The following CTNNA2 variants were observed in gnomAD, a reference collection of about 807,000 sequenced individuals.
CTNNA2 encodes catenin alpha-2.
CTNNA2 carries 42 observed loss-of-function variants against 101.0 expected under a neutral mutation model. That is an observed-to-expected ratio of 0.42 (90% CI 0.32 to 0.54). CTNNA2 has a LOEUF of 0.54. CTNNA2 is among the 20% of genes least tolerant of loss of function. CTNNA2 has a pLI of 0.14. For missense variants in CTNNA2, 871 were observed against 1,223.1 expected (o/e 0.71, Z 4.29); for synonymous variants, 450 against 456.4 (o/e 0.99, Z 0.18).
chr2:80,625,125 G>A (rs1671552566), intron 18 of CTNNA2, among the ~76,000 whole-genome samples: 1 of 151,950 alleles, frequency 6.6e-6, no homozygotes, highest in Non-Finnish European at 1.5e-5. Flanking sequence ...AAAATTATAA[G>A]AGTGATATTG....
chr2:80,265,197 A>C (rs1450732645), intron 7 of CTNNA2, among the ~76,000 whole-genome samples: 1 of 151,698 alleles, frequency 6.6e-6, no homozygotes, highest in Non-Finnish European at 1.5e-5. Context: ...CTGGTCTCGA[A>C]CTCCTGACCT....
chr2:79,773,990 C>T (rs1345540217), intron 3 of CTNNA2, among the ~76,000 whole-genome samples: 1 of 152,134 alleles, frequency 6.6e-6, no homozygotes, highest in Non-Finnish European at 1.5e-5. Flanking sequence ...GGCTGCTACA[C>T]CTTCCCCCAT....
chr2:80,403,217 C>A (rs1248155571), intron 8 of CTNNA2, among the ~76,000 whole-genome samples: 2 of 152,178 alleles, frequency 1.3e-5, no homozygotes, highest in African/African-American at 4.8e-5. Flanking sequence ...TTGCTGTTTT[C>A]TTCATCATGG....
At chr2:79,910,899 G>A (rs1340485012) in intron 7 of CTNNA2, among the ~76,000 whole-genome samples, 1 of 152,140 alleles carries the variant, frequency 6.6e-6, no homozygotes. Context: ...ACCCTCCAGA[G>A]AACTCACTGA....
At chr2:79,542,057 T>C (rs1293046392) in intron 1 of CTNNA2, among the ~76,000 whole-genome samples, 5 of 152,164 alleles carry the variant, frequency 3.3e-5, no homozygotes, top group South Asian at 4.1e-4. Flanking sequence ...TCTCTTTAGC[T>C]TTTTAAAAAC....
chr2:80,372,788 T>A (rs1675570558), intron 7 of CTNNA2, among the ~76,000 whole-genome samples: 1 of 152,136 alleles, frequency 6.6e-6, no homozygotes, highest in Non-Finnish European at 1.5e-5. Flanking sequence ...AAATTATGTC[T>A]CATTTGTTAA....
At chr2:79,443,774 T>C (rs549915493) in intron 4 of CTNNA2, among the ~76,000 whole-genome samples, 1 of 152,210 alleles carries the variant, frequency 6.6e-6, no homozygotes, top group Admixed American at 6.5e-5. Context: ...CTCTAATGAC[T>C]CCCACATCCT....
chr2:79,620,729 T>C (rs1387805460), intron 1 of CTNNA2, among the ~76,000 whole-genome samples: 1 of 152,156 alleles, frequency 6.6e-6, no homozygotes, highest in Non-Finnish European at 1.5e-5. Flanking sequence ...TTTGATGTGA[T>C]CTGAAGGTTA....
chr2:80,340,629 G>T (rs775144459), intron 7 of CTNNA2, among the ~76,000 whole-genome samples: 4 of 152,146 alleles, frequency 2.6e-5, no homozygotes, highest in Non-Finnish European at 4.4e-5. Flanking sequence ...CCAGACCACA[G>T]ACTTAGAGTC....
intron 7 of CTNNA2, chr2:80,029,547 T>A (rs1160119435): frequency 9.2e-5 from 14 of 152,100 alleles, no homozygotes; most frequent in Admixed American, 9.2e-4. Flanking sequence ...AAGGGACCAG[T>A]TTAGGTGCAC....
intron 2 of CTNNA2, among the ~76,000 whole-genome samples, chr2:79,203,203 C>T (rs1674059786): frequency 6.6e-6 from 1 of 152,090 alleles, no homozygotes; most frequent in Non-Finnish European, 1.5e-5. Context: ...TTGGCAGTCC[C>T]CAAATCTCCA....
At chr2:80,313,796 G>T (rs1677837224) in intron 7 of CTNNA2, 2 of 652,534 alleles carry the variant, frequency 3.1e-6, no homozygotes, top group African/African-American at 1.8e-5. Context: ...GAGGAGAAAG[G>T]ATACTGAAAG....
intron 3 of CTNNA2, among the ~76,000 whole-genome samples, chr2:79,754,745 C>G (rs1246078342): frequency 6.6e-6 from 1 of 152,160 alleles, no homozygotes; most frequent in Non-Finnish European, 1.5e-5. Context: ...TGACTCTTCA[C>G]TGCTGCCTGA....
chr2:79,401,295 A>G (rs982686867), intron 4 of CTNNA2, among the ~76,000 whole-genome samples: 6 of 151,652 alleles, frequency 4.0e-5, no homozygotes, highest in Non-Finnish European at 8.9e-5. Context: ...TTAAAAAGAA[A>G]AACTGAACAC....
At chr2:79,355,422 T>C (rs1352994998) in intron 3 of CTNNA2, among the ~76,000 whole-genome samples, 2 of 152,230 alleles carry the variant, frequency 1.3e-5, no homozygotes, top group African/African-American at 2.4e-5. Flanking sequence ...TTTGTAGTTC[T>C]CCTTGTAGAT....
At chr2:79,340,818 A>T (rs1677116873) in intron 3 of CTNNA2, among the ~76,000 whole-genome samples, 1 of 123,440 alleles carries the variant, frequency 8.1e-6, no homozygotes, top group Non-Finnish European at 1.6e-5. Flanking sequence ...TGGGCTACAG[A>T]GCGAGACTCA....
intron 3 of CTNNA2, among the ~76,000 whole-genome samples, chr2:79,362,638 G>T (rs1264042294): frequency 2.0e-5 from 3 of 152,106 alleles, no homozygotes; most frequent in Non-Finnish European, 4.4e-5. Context: ...AGGCTCTTAG[G>T]CATGACCACG....
At chr2:79,904,725 C>T (rs566262045) in intron 6 of CTNNA2, among the ~76,000 whole-genome samples, 3 of 152,286 alleles carry the variant, frequency 2.0e-5, no homozygotes, top group African/African-American at 4.8e-5. Context: ...CATCCAAATA[C>T]TTGCTTTGAT....
chr2:79,265,998 A>G (rs1304917204), intron 2 of CTNNA2, among the ~76,000 whole-genome samples: 1 of 152,176 alleles, frequency 6.6e-6, no homozygotes, highest in Non-Finnish European at 1.5e-5. Context: ...GGATTGTTTA[A>G]ATCAGCAAAT....
Sources: allele counts gnomAD v4.1 joint callset (sites outside exome capture counted in the v4.1 genomes callset), GRCh38; gene constraint gnomAD v4.1.1; transcripts MANE v1.5; gene names NCBI Gene and HGNC (gene_info 2026-07-23, HGNC 2026-07-21).